Variants in CALCRL observed in about 807,000 individuals in gnomAD.
CALCRL encodes the protein calcitonin receptor like receptor.
In CALCRL, 27 loss-of-function variants were observed where a neutral mutation model predicts 60.4. The observed-to-expected ratio is 0.45, with a 90% CI of 0.33 to 0.62. CALCRL has a LOEUF of 0.62. Ranked by LOEUF, CALCRL falls within the 20% of genes least tolerant of loss-of-function variation. The probability of loss-of-function intolerance (pLI) is 0.03; values close to 1 mark genes in which losing one functional copy is unlikely to be tolerated. For synonymous variants in CALCRL, 190 were observed against 182.6 expected, an observed-to-expected ratio of 1.04 and a Z score of -0.33; for missense variants, 424 against 540.7, an observed-to-expected ratio of 0.78 and a Z score of 2.14.
chr2:187,403,429 G>T (rs1457306754), intron 1 of CALCRL, among the ~76,000 whole-genome samples: 1 of 151,852 alleles, frequency 6.6e-6, no homozygotes, highest in Non-Finnish European at 1.5e-5. Context: ...GCAAAGGAGG[G>T]CCTTGAAATA....
At position 187,352,080 on chromosome 2, in the gene CALCRL, T is replaced by C. The variant is rs858745; in HGVS notation, c.1128+34A>G. 1,370,374 of 1,593,056 alleles carry C rather than the reference T, an allele frequency of 0.86. 590,649 individuals carry two copies. The highest frequency in any genetic ancestry group is 0.91 in the African/African-American group (67,755 of 74,418). On this transcript the variant is annotated intron_variant, in intron 13 of 14. Transcript: ENST00000392370. ...GCTATATGTATATTTAATTCCAAAC[T>C]TCTCAAGCTGCCTTCTTATCAAGAA...
At chr2:187,379,868 A>AGTTTTT (rs1687915690) in intron 7 of CALCRL, among the ~76,000 whole-genome samples, 1 of 152,204 alleles carries the variant, frequency 6.6e-6, no homozygotes. Flanking sequence ...GAAATAAGAA[A>AGTTTTT]TCAGGTTTTA....
chr2:187,352,589 G>C (rs959583053), intron 12 of CALCRL, among the ~76,000 whole-genome samples: 2 of 151,704 alleles, frequency 1.3e-5, no homozygotes, highest in African/African-American at 4.8e-5. Flanking sequence ...AACATATTCA[G>C]TTGAAGAATA....
chr2:187,417,638 T>C (rs1002160250), intron 1 of CALCRL, among the ~76,000 whole-genome samples: 13 of 152,266 alleles, frequency 8.5e-5, no homozygotes, highest in African/African-American at 3.1e-4. Flanking sequence ...AAGTAATATT[T>C]GTGGTAAAAT....
intron 12 of CALCRL, among the ~76,000 whole-genome samples, chr2:187,352,826 G>T (rs889439681): frequency 6.6e-6 from 1 of 151,722 alleles, no homozygotes; most frequent in African/African-American, 2.4e-5. Context: ...GTTTCTTCTA[G>T]TAACAATAAT....
chr2:187,409,638 G>C (rs907496122), intron 1 of CALCRL, among the ~76,000 whole-genome samples: 2 of 152,196 alleles, frequency 1.3e-5, no homozygotes, highest in Non-Finnish European at 2.9e-5. Flanking sequence ...TAAAAGATTA[G>C]ATGCAGGCCC....
chr2:187,359,632 T>C (rs1048479101), intron 10 of CALCRL, among the ~76,000 whole-genome samples: 3 of 152,106 alleles, frequency 2.0e-5, no homozygotes, highest in African/African-American at 7.2e-5. Flanking sequence ...CAACATTTGG[T>C]ACATTATCAG....
intron 1 of CALCRL, among the ~76,000 whole-genome samples, chr2:187,417,538 T>C (rs1040749709): frequency 6.6e-6 from 1 of 152,148 alleles, no homozygotes; most frequent in East Asian, 1.9e-4. Context: ...GCATAACTCT[T>C]AATAATTTTT....
intron 1 of CALCRL, among the ~76,000 whole-genome samples, chr2:187,413,163 G>T (rs140570783): frequency 2.0e-5 from 3 of 152,166 alleles, no homozygotes; most frequent in African/African-American, 7.2e-5. Context: ...ATCTAAGCTT[G>T]CCCTTAAAGA....
At chr2:187,369,569 A>T (rs1687436198) in intron 8 of CALCRL, among the ~76,000 whole-genome samples, 1 of 152,198 alleles carries the variant, frequency 6.6e-6, no homozygotes, top group Admixed American at 6.5e-5. Context: ...AAGGCTTCTG[A>T]CTACTTTATA....
At chr2:187,378,855 G>C in intron 8 of CALCRL, 85 bp downstream of exon 8, 1 of 716,732 alleles carries the variant, frequency 1.4e-6, no homozygotes, top group South Asian at 1.8e-5. Flanking sequence ...GGTATATTTT[G>C]TCAGACATGA....
intron 1 of CALCRL, among the ~76,000 whole-genome samples, chr2:187,437,272 G>A (rs529523739): frequency 5.3e-5 from 8 of 152,284 alleles, no homozygotes; most frequent in African/African-American, 1.4e-4. Context: ...GCCGGGCACT[G>A]TGGCTCACGC....
At chr2:187,363,337 T>C (rs768529383) in intron 9 of CALCRL, 39 bp downstream of exon 9, 12 of 1,586,082 alleles carry the variant, frequency 7.6e-6, no homozygotes, top group African/African-American at 2.7e-5. Flanking sequence ...CCTTTCCCAT[T>C]AGGCCCTTGA....
At position 187,344,473 on chromosome 2, in the gene CALCRL, A is replaced by C. The variant is rs905418156; in HGVS notation, c.*1711T>G. ...AACAGATACCCATGACTTTTCCCAAAATTGACTTTTACTAATTGAAGTCAT... is the reference window on the plus strand; with the variant it reads ...AACAGATACCCATGACTTTTCCCAACATTGACTTTTACTAATTGAAGTCAT... On this transcript the variant is annotated 3_prime_UTR_variant, in exon 15 of 15. Transcript: ENST00000392370. 1.3e-5 allele frequency: 2 copies of C among 151,664 alleles called. No individual in the cohort carries two copies. Among genetic ancestry groups the C allele is most frequent in the Admixed American group, 1.3e-4 (2 of 15,170 alleles). 9.4% of individuals were successfully genotyped at this position (151,664 alleles called of 1,614,324 possible). A position where few individuals can be genotyped will look rare whatever the true frequency, so the allele number is the denominator to read the frequency against.
At position 187,371,229 on chromosome 2, in the gene CALCRL, G is replaced by A. The variant is rs181223181; in HGVS notation, c.500+7711C>T. Among the ~76,000 whole-genome samples the A allele has an allele frequency of 1.0e-3, 149 of 148,806 alleles. 1 individual carries two copies. In the East Asian group the frequency reaches 0.017, roughly 17 times the overall value. On this transcript the variant is annotated intron_variant, in intron 8 of 14. Coordinates refer to ENST00000392370, the MANE Select transcript of CALCRL (RefSeq NM_005795.6). ...TGCACTCCAGCCTGGGTGACAGAGCGAGACTCCGTCTAAAAAAAAAAAAAA... is the reference window on the plus strand; with the variant it reads ...TGCACTCCAGCCTGGGTGACAGAGCAAGACTCCGTCTAAAAAAAAAAAAAA...
rs1241521047 is a variant in CALCRL at position 187,360,650 on chromosome 2, C to T, written c.729G>A (p.Val243=). The T allele has an allele frequency of 6.2e-7, 1 of 1,612,510 alleles. No individual in the cohort carries two copies. Among genetic ancestry groups the T allele is most frequent in the Admixed American group, 1.7e-5 (1 of 59,820 alleles). The change falls in exon 10 of 15, where the codon GTG becomes GTA. Residue 243 remains valine (V), a synonymous_variant. Coordinates refer to ENST00000392370, the MANE Select transcript of CALCRL (RefSeq NM_005795.6). The stretch of plus-strand genomic sequence containing the variant: ...AATGTTGCTTCTCTGCAAACACGGC[C>T]ACCACAATGAGTGTGTGTAGGTAAA... The part of the protein sequence containing the change: ...EGIYLHTLIV[V]AVFAEKQHLM...
chr2:187,443,646 T>C (rs936288944), intron 1 of CALCRL, among the ~76,000 whole-genome samples: 1 of 151,744 alleles, frequency 6.6e-6, no homozygotes, highest in Non-Finnish European at 1.5e-5. Context: ...TAAAGACATA[T>C]GCACATTGAC....
chr2:187,355,467 G>T (rs1391216468), intron 12 of CALCRL, among the ~76,000 whole-genome samples: 2 of 152,052 alleles, frequency 1.3e-5, no homozygotes, highest in Non-Finnish European at 2.9e-5. Context: ...TATAAGAATG[G>T]CTTAACAATG....
chr2:187,415,794 T>C, intron 1 of CALCRL: 2 of 456,982 alleles, frequency 4.4e-6, no homozygotes, highest in Non-Finnish European at 4.0e-6. Flanking sequence ...ACAATGAATT[T>C]GGCTACACCA....
Sources: allele counts gnomAD v4.1 joint callset (sites outside exome capture counted in the v4.1 genomes callset), GRCh38; gene constraint gnomAD v4.1.1; transcripts MANE v1.5; gene names NCBI Gene and HGNC (gene_info 2026-07-23, HGNC 2026-07-21).